ZYG11A: variants seen among roughly 807,000 people sequenced by gnomAD.
The protein encoded by ZYG11A is protein zyg-11 homolog A.
ZYG11A carries 62 observed loss-of-function variants against 77.2 expected under a neutral mutation model. The observed-to-expected ratio is 0.80, with a 90% CI of 0.65 to 0.99. ZYG11A has a LOEUF of 0.99. ZYG11A is among the 50% of genes least tolerant of loss of function. The probability of loss-of-function intolerance (pLI) is 0.00; values close to 1 mark genes in which losing one functional copy is unlikely to be tolerated. For synonymous variants in ZYG11A, 315 were observed against 324.6 expected, an observed-to-expected ratio of 0.97 and a Z score of 0.32; for missense variants, 828 against 896.8, an observed-to-expected ratio of 0.92 and a Z score of 0.98.
At chr1:52,868,638 A>G (rs1157124558) in intron 8 of ZYG11A, among the ~76,000 whole-genome samples, 1 of 151,868 alleles carries the variant, frequency 6.6e-6, no homozygotes, top group Non-Finnish European at 1.5e-5. Flanking sequence ...AAATATGAAA[A>G]TTAGCTGGGT....
intron 11 of ZYG11A, among the ~76,000 whole-genome samples, chr1:52,884,698 C>G (rs2150020591): frequency 6.6e-6 from 1 of 152,128 alleles, no homozygotes; most frequent in South Asian, 2.1e-4. Flanking sequence ...AGTCTGAAAG[C>G]CTAGTAAAAG....
chr1:52,842,967 G>C lies in ZYG11A; in HGVS notation c.84G>C (p.Val28=), dbSNP rs1645478043. The change falls in exon 1 of 14, where the codon GTG becomes GTC. Residue 28 remains valine (V), a synonymous_variant. Coordinates refer to ENST00000371528, the MANE Select transcript of ZYG11A (RefSeq NM_001004339.3). Reference sequence around the variant, plus strand: ...AGAAGGATGCCCTGGGCTGCTGCGTGGTACAGGTGAGCACCGGGGTGCGGG... The same window carrying C: ...AGAAGGATGCCCTGGGCTGCTGCGTCGTACAGGTGAGCACCGGGGTGCGGG... ...DAQKDALGCC[V]VQEEASPYTL... The C allele has an allele frequency of 1.3e-6, 2 of 1,521,966 alleles. No individual in the cohort carries two copies. Among genetic ancestry groups the C allele is most frequent in the South Asian group, 1.2e-5 (1 of 80,810 alleles). The allele number at this position is 1,521,966 out of a possible 1,614,324, so 94.3% of individuals were successfully genotyped here. A position where few individuals can be genotyped will look rare whatever the true frequency, so the allele number is the denominator to read the frequency against.
At chr1:52,857,839 G>T (rs1645845322) in intron 3 of ZYG11A, 90 bp downstream of exon 3, 3 of 1,125,182 alleles carry the variant, frequency 2.7e-6, no homozygotes, top group East Asian at 2.7e-5. Flanking sequence ...AGGTATTAGG[G>T]TTACAGAGAC....
intron 1 of ZYG11A, among the ~76,000 whole-genome samples, chr1:52,853,405 T>C (rs1313993100): frequency 6.6e-6 from 1 of 152,228 alleles, no homozygotes; most frequent in Admixed American, 6.5e-5. Flanking sequence ...GTTTTGAGAA[T>C]AGACACATGA....
chr1:52,885,823 T>C lies in ZYG11A; in HGVS notation c.1945-10T>C. The stretch of plus-strand genomic sequence containing the variant: ...CAAATGTTGGTTTCTCTCTCTTGTT[T>C]TTGGAGTAGCATGCAACCATACAGA... On this transcript the variant is annotated splice_polypyrimidine_tract_variant and intron_variant, in intron 11 of 13. Transcript: ENST00000371528. 3 of 1,533,002 alleles carry C rather than the reference T, an allele frequency of 2.0e-6. No homozygotes were observed. The highest frequency in any genetic ancestry group is 2.6e-6 in the Non-Finnish European group (3 of 1,139,216). 95.0% of individuals were successfully genotyped at this position (1,533,002 alleles called of 1,614,324 possible). A position where few individuals can be genotyped will look rare whatever the true frequency, so the allele number is the denominator to read the frequency against.
At chr1:52,866,675 C>A (rs1646032620) in intron 6 of ZYG11A, 108 bp downstream of exon 6, 2 of 638,522 alleles carry the variant, frequency 3.1e-6, no homozygotes, top group Admixed American at 2.9e-5. Flanking sequence ...TTCTGTTGAG[C>A]ATCTTCCACA....
intron 11 of ZYG11A, among the ~76,000 whole-genome samples, chr1:52,884,576 C>A (rs896929199): frequency 9.9e-5 from 15 of 151,654 alleles, no homozygotes; most frequent in Non-Finnish European, 5.9e-5. Flanking sequence ...ATTGCTTGAA[C>A]TCAGGAAGCA....
At chr1:52,886,035 C>A in intron 12 of ZYG11A, 141 bp downstream of exon 12, 1 of 566,038 alleles carries the variant, frequency 1.8e-6, no homozygotes, top group Non-Finnish European at 3.0e-6. Flanking sequence ...CGGGTTCACG[C>A]CATTCTCCTG....
rs140292202 is a variant in ZYG11A, at chr1:52,866,864, T to C, written c.1391+297T>C. Among the ~76,000 whole-genome samples the C allele has an allele frequency of 2.7e-4, 41 of 152,328 alleles. No homozygotes were observed. The East Asian group carries it at 7.1e-3, about 27-fold the overall frequency. On this transcript the variant is annotated intron_variant, in intron 6 of 13. Coordinates refer to ENST00000371528, the MANE Select transcript of ZYG11A (RefSeq NM_001004339.3). The stretch of plus-strand genomic sequence containing the variant: ...TGTAAAATAGTGACTCTTACCAGCA[T>C]TAGATAAGATAGTGTCTGTAAAGTA...
chr1:52,874,157 A>G (rs987769544), intron 8 of ZYG11A, among the ~76,000 whole-genome samples: 3 of 152,092 alleles, frequency 2.0e-5, no homozygotes, highest in Non-Finnish European at 4.4e-5. Context: ...AGCCATCAAC[A>G]TTGAGACAAG....
chr1:52,885,173 T>G (rs1300837568), intron 11 of ZYG11A, among the ~76,000 whole-genome samples: 1 of 151,676 alleles, frequency 6.6e-6, no homozygotes, highest in East Asian at 1.9e-4. Flanking sequence ...GCCTCCCAAG[T>G]GCTGAGATTA....
intron 5 of ZYG11A, among the ~76,000 whole-genome samples, chr1:52,865,027 T>C (rs1645999532): frequency 6.6e-6 from 1 of 151,762 alleles, no homozygotes; most frequent in Non-Finnish European, 1.5e-5. Context: ...AGTAGCACGA[T>C]CTTGGCTCAC....
Position 52,893,091 on chromosome 1 carries a change from G to A in ZYG11A, c.*134G>A. ...GCCTTTGATTGTTGATTTTATATATGTTACAAAAGGTTGGATTTGTATGAT... is the reference window on the plus strand; with the variant it reads ...GCCTTTGATTGTTGATTTTATATATATTACAAAAGGTTGGATTTGTATGAT... On this transcript the variant is annotated 3_prime_UTR_variant, in exon 14 of 14. Transcript: ENST00000371528. The A allele has an allele frequency of 1.3e-6, 1 of 785,958 alleles. No homozygotes were observed. The highest frequency in any genetic ancestry group is 3.8e-4 in the Middle Eastern group (1 of 2,666). 48.7% of individuals were successfully genotyped at this position (785,958 alleles called of 1,614,324 possible).
At chr1:52,856,676 T>C (rs889410266) in intron 2 of ZYG11A, among the ~76,000 whole-genome samples, 1 of 151,362 alleles carries the variant, frequency 6.6e-6, no homozygotes, top group Admixed American at 6.6e-5. Flanking sequence ...GCAAGGTTAC[T>C]GTAGATAAAA....
intron 13 of ZYG11A, among the ~76,000 whole-genome samples, chr1:52,889,942 G>A (rs534890809): frequency 3.3e-5 from 5 of 151,588 alleles, no homozygotes; most frequent in Admixed American, 2.6e-4. Context: ...CTCGATCTCC[G>A]GACCTCATGA....
chr1:52,877,661 C>G, intron 8 of ZYG11A, 21 bp from the exon 9 acceptor site: 1 of 1,540,454 alleles, frequency 6.5e-7, no homozygotes, highest in East Asian at 2.4e-5. Context: ...CTAACTCCCT[C>G]CCTGTCTCTT....
At chr1:52,864,407 A>G (rs1645985256) in intron 5 of ZYG11A, among the ~76,000 whole-genome samples, 1 of 151,930 alleles carries the variant, frequency 6.6e-6, no homozygotes, top group South Asian at 2.1e-4. Context: ...CACGACGCCC[A>G]GCTAATTTTT....
At chr1:52,852,916 T>C (rs2149990577) in intron 1 of ZYG11A, among the ~76,000 whole-genome samples, 1 of 152,216 alleles carries the variant, frequency 6.6e-6, no homozygotes, top group South Asian at 2.1e-4. Flanking sequence ...ATACTGACAG[T>C]GAAAAACAGT....
chr1:52,880,739 T>C (rs1646349396), intron 10 of ZYG11A, among the ~76,000 whole-genome samples: 1 of 152,132 alleles, frequency 6.6e-6, no homozygotes, highest in Admixed American at 6.5e-5. Context: ...AGCAAGAAAC[T>C]GAATCACTCA....
Sources: gnomAD v4.1 joint callset for allele counts (sites outside exome capture counted in the v4.1 genomes callset) on GRCh38, gnomAD v4.1.1 for gene constraint, MANE v1.5 for transcripts, NCBI Gene and HGNC (gene_info 2026-07-23, HGNC 2026-07-21) for gene names.